Variants in JPH2 observed in about 807,000 individuals in gnomAD.
JPH2 encodes the protein junctophilin 2.
Under a neutral mutation model 55.9 loss-of-function variants are expected in JPH2, and 38 were observed. The observed-to-expected ratio is 0.68, with a 90% CI of 0.52 to 0.89. The LOEUF (loss-of-function observed/expected upper bound fraction) is 0.89. Ranked by LOEUF, JPH2 falls within the 40% of genes least tolerant of loss-of-function variation. The pLI, the probability that JPH2 is intolerant of heterozygous loss-of-function variation, is 0.00. For synonymous variants in JPH2, 480 were observed against 472.4 expected (o/e 1.02, Z -0.21); for missense variants, 964 against 1,037.6 (o/e 0.93, Z 0.97).
chr20:44,154,483 T>C (rs1229859672), intron 2 of JPH2, among the ~76,000 whole-genome samples: 1 of 152,232 alleles, frequency 6.6e-6, no homozygotes, highest in African/African-American at 2.4e-5. Context: ...GTGGCTACCA[T>C]ACTGGACAGC....
intron 2 of JPH2, among the ~76,000 whole-genome samples, chr20:44,151,836 T>C (rs1185562541): frequency 1.3e-5 from 2 of 152,232 alleles, no homozygotes; most frequent in Non-Finnish European, 2.9e-5. Context: ...GGATGACTCA[T>C]TGCTCCCAAA....
chr20:44,174,924 C>T (rs79719920), intron 1 of JPH2, among the ~76,000 whole-genome samples: 1,716 of 152,104 alleles, frequency 0.011, 12 homozygotes, highest in South Asian at 0.018. Context: ...GCCCCCCGTG[C>T]AGGGGTGGAG....
Position 44,108,828 on chromosome 20 carries a change from T to C in JPH2, c.*4690A>G, listed in dbSNP as rs2072123605. ...CTCAGTCCAGGCTCTGTCACTGACT[T>C]GCTGTGTGATCCTTACAAATCACGA... On this transcript the variant is annotated 3_prime_UTR_variant, in exon 6 of 6. Transcript: ENST00000372980. Among the ~76,000 whole-genome samples, 2 of 152,042 alleles carry C rather than the reference T, an allele frequency of 1.3e-5. No individual in the cohort carries two copies. The highest frequency in any genetic ancestry group is 4.2e-4 in the South Asian group (2 of 4,808).
At chr20:44,118,380 C>T (rs2072208865) in intron 3 of JPH2, 125 bp downstream of exon 3, 1 of 802,758 alleles carries the variant, frequency 1.2e-6, no homozygotes, top group Non-Finnish European at 2.2e-6. Flanking sequence ...TTGCACCATG[C>T]CCCAGTTTCT....
At chr20:44,181,208 C>T (rs554962503) in intron 1 of JPH2, among the ~76,000 whole-genome samples, 18 of 152,216 alleles carry the variant, frequency 1.2e-4, no homozygotes, top group African/African-American at 3.9e-4. Context: ...AATGACAGGG[C>T]TTTGAAGAAG....
rs1297948544 is a variant in JPH2 at position 44,110,680 on chromosome 20, C to T, written c.*2838G>A. The stretch of plus-strand genomic sequence containing the variant: ...TCCTGACCTCAAGTGATCCACCTGC[C>T]TCAGCCTCCTCTAACGTGCTGGAAT... On this transcript the variant is annotated 3_prime_UTR_variant, in exon 6 of 6. Coordinates refer to ENST00000372980, the MANE Select transcript of JPH2 (RefSeq NM_020433.5). Among the ~76,000 whole-genome samples, 1 of 152,220 alleles carries T rather than the reference C, an allele frequency of 6.6e-6. No individual in the cohort carries two copies. Among genetic ancestry groups the T allele is most frequent in the African/African-American group, 2.4e-5 (1 of 41,450 alleles).
chr20:44,184,703 C>T (rs1161249452), intron 1 of JPH2, among the ~76,000 whole-genome samples: 2 of 152,174 alleles, frequency 1.3e-5, no homozygotes, highest in Admixed American at 6.5e-5. Flanking sequence ...GAAAACTCCT[C>T]TCTGATTCTT....
At chr20:44,133,901 T>A (rs5014520) in intron 2 of JPH2, among the ~76,000 whole-genome samples, 3,106 of 16,706 alleles carry the variant, frequency 0.19, 378 homozygotes, top group East Asian at 0.34. Context: ...TAAATATATA[T>A]AAATAAATAT....
chr20:44,132,220 C>T (rs1371757490), intron 2 of JPH2, among the ~76,000 whole-genome samples: 1 of 152,036 alleles, frequency 6.6e-6, no homozygotes, highest in Non-Finnish European at 1.5e-5. Flanking sequence ...AAAAGAATTT[C>T]TATTGTATGT....
Position 44,116,003 on chromosome 20 carries a change from G to A in JPH2, c.1672C>T (p.Pro558Ser). ...LQAPPAPSRE[P>S]EVALYQGYHS... Reference sequence around the variant, plus strand: ...TAGCCCTGGTAAAGCGCCACCTCCGGCTCCCGCGACGGCGCAGGCGGTGCC... The same window carrying A: ...TAGCCCTGGTAAAGCGCCACCTCCGACTCCCGCGACGGCGCAGGCGGTGCC... Residue 558 changes from proline (P) to serine (S), a missense_variant, in exon 4 of 6, where the codon CCG becomes TCG. Pro to Ser is a moderately conservative substitution (Grantham distance 74). Coordinates refer to ENST00000372980, the MANE Select transcript of JPH2 (RefSeq NM_020433.5). 6.3e-7 allele frequency: 1 copy of A among 1,580,156 alleles called. No individual in the cohort carries two copies. The highest frequency in any genetic ancestry group is 1.7e-4 in the Middle Eastern group (1 of 5,734).
chr20:44,160,329 A>G lies in JPH2; in HGVS notation c.458T>C (p.Val153Ala), dbSNP rs776045429. 16 of 1,572,816 alleles carry G rather than the reference A, an allele frequency of 1.0e-5. No homozygotes were observed. In the Admixed American group the frequency reaches 1.5e-4, roughly 14 times the overall value. ...VRQSVPYGMA[V>A]VVRSPLRTSL... The stretch of plus-strand genomic sequence containing the variant: ...CGTGCGCAGCGGCGAGCGCACCACC[A>G]CGGCCATCCCGTAGGGCACGCTCTG... Residue 153 changes from valine (V) to alanine (A), a missense_variant, in exon 2 of 6, where the codon GTG becomes GCG. Val to Ala is a moderately conservative substitution (Grantham distance 64). Transcript: ENST00000372980. The surrounding 1 kb of genome is among the most constrained non-coding windows in gnomAD (Gnocchi z 4.9).
chr20:44,116,416 C>T (rs552914206), intron 3 of JPH2, 30 bp from the exon 4 acceptor site: 22 of 1,544,330 alleles, frequency 1.4e-5, no homozygotes, highest in African/African-American at 1.2e-4. Context: ...AGGCTGGGCT[C>T]GAACCCCGCA....
At chr20:44,145,149 C>T (rs918199657) in intron 2 of JPH2, among the ~76,000 whole-genome samples, 1 of 152,114 alleles carries the variant, frequency 6.6e-6, no homozygotes, top group African/African-American at 2.4e-5. Context: ...TGGGCCCTTC[C>T]AGCACTGATC....
chr20:44,160,136 G>A lies in JPH2; in HGVS notation c.651C>T (p.Gly217=), dbSNP rs2072598671. 6.9e-7 allele frequency: 1 copy of A among 1,450,606 alleles called. No homozygotes were observed. The highest frequency in any genetic ancestry group is 2.8e-5 in the Admixed American group (1 of 35,994). The allele number at this position is 1,450,606 out of a possible 1,614,324, so 89.9% of individuals were successfully genotyped here. A position where few individuals can be genotyped will look rare whatever the true frequency, so the allele number is the denominator to read the frequency against. The stretch of plus-strand genomic sequence containing the variant: ...GCGCGCCCCGCTGGAAGAGGCCGCC[G>A]CCCTTGGGCGCCCGCGCGGCCGCCT... The part of the protein sequence containing the change: ...NAEAAARAPK[G]GGLFQRGALL... The change falls in exon 2 of 6, where the codon GGC becomes GGT. Residue 217 remains glycine, a synonymous_variant. Transcript: ENST00000372980. The surrounding 1 kb of genome is among the most constrained non-coding windows in gnomAD (Gnocchi z 4.9).
chr20:44,136,255 A>C (rs2072412409), intron 2 of JPH2, among the ~76,000 whole-genome samples: 1 of 152,188 alleles, frequency 6.6e-6, no homozygotes, highest in African/African-American at 2.4e-5. Flanking sequence ...GCCTAGGAGT[A>C]GTGAACATTT....
chr20:44,159,904 ACTCGCCCATGTAGGT>A lies in JPH2; in HGVS notation c.868_882del (p.Thr290_Glu294del). 1 of 1,607,036 alleles carries A rather than the reference ACTCGCCCATGTAGGT, an allele frequency of 6.2e-7. No homozygotes were observed. The highest frequency in any genetic ancestry group is 2.2e-5 in the East Asian group (1 of 44,580). On this transcript the variant is annotated inframe_deletion, in exon 2 of 6. Transcript: ENST00000372980. This position sits in a 1 kb window ranked among gnomAD's most constrained non-coding sequence, Gnocchi z 5.7. ...AAGCCCGAGCGTTTGTCGTTCTTCC[ACTCGCCCATGTAGGT>A]CTCGGTGGTGGTGGCGTCGATATCG...
intron 2 of JPH2, among the ~76,000 whole-genome samples, chr20:44,134,256 A>AATATTTATTATAAATACAT (rs1569193349): frequency 1.1e-4 from 2 of 18,728 alleles, no homozygotes; most frequent in African/African-American, 4.9e-4. Flanking sequence ...AATACATATA[A>AATATTTATTATAAATACAT]ATAAATATTT....
At chr20:44,134,769 A>ATATATTTATTATAAATATATAAAG (rs1569195491) in intron 2 of JPH2, among the ~76,000 whole-genome samples, 3 of 106,646 alleles carry the variant, frequency 2.8e-5, no homozygotes, top group African/African-American at 1.1e-4. Context: ...AATATATAAA[A>ATATATTTATTATAAATATATAAAG]ATATTTATAA....
intron 2 of JPH2, among the ~76,000 whole-genome samples, chr20:44,119,512 T>A (rs1233839706): frequency 6.6e-6 from 1 of 152,190 alleles, no homozygotes; most frequent in Non-Finnish European, 1.5e-5. Flanking sequence ...GAGTGTTGGC[T>A]GCTAATGGCT....
Sources: gnomAD v4.1 joint callset for allele counts (sites outside exome capture counted in the v4.1 genomes callset) on GRCh38, gnomAD v4.1.1 for gene constraint, Gnocchi (gnomAD v3.1) non-coding constraint, MANE v1.5 for transcripts, NCBI Gene and HGNC (gene_info 2026-07-23, HGNC 2026-07-21) for gene names.